DPYD: variants seen among roughly 807,000 people sequenced by gnomAD.
DPYD encodes the protein dihydropyrimidine dehydrogenase [NADP(+)].
DPYD carries 109 observed loss-of-function variants against 116.2 expected under a neutral mutation model. The observed-to-expected ratio is 0.94, with a 90% CI of 0.80 to 1.10. The LOEUF is 1.10. DPYD is among the 50% of genes least tolerant of loss of function. The pLI, the probability that DPYD is intolerant of heterozygous loss-of-function variation, is 0.00. For synonymous variants in DPYD, 440 were observed against 432.0 expected, an observed-to-expected ratio of 1.02 and a Z score of -0.23; for missense variants, 1,302 against 1,254.5, an observed-to-expected ratio of 1.04 and a Z score of -0.57.
intron 2 of DPYD, among the ~76,000 whole-genome samples, chr1:97,873,788 G>A (rs1671774356): frequency 6.6e-6 from 1 of 151,932 alleles, no homozygotes; most frequent in South Asian, 2.1e-4. Flanking sequence ...CACACACTAA[G>A]ATTTCAGTAA....
chr1:97,302,016 T>C lies in DPYD; in HGVS notation c.2299+3243A>G, dbSNP rs1014439279. Among the ~76,000 whole-genome samples the C allele has an allele frequency of 3.3e-5, 5 of 152,066 alleles. No homozygotes were observed. The East Asian group carries it at 9.7e-4, about 29-fold the overall frequency. ...TGGAGTTTATAATTGTTACTGAGAT[T>C]AGGGTTTTTTTCCAATCAAATAAGT... On this transcript the variant is annotated intron_variant, in intron 18 of 22. Transcript: ENST00000370192.
At chr1:97,351,467 G>T (rs1670139584) in intron 16 of DPYD, among the ~76,000 whole-genome samples, 1 of 151,560 alleles carries the variant, frequency 6.6e-6, no homozygotes, top group African/African-American at 2.4e-5. Flanking sequence ...AAAGTGGCAA[G>T]AAAAGAAAAA....
At chr1:97,114,750 T>G (rs1319424675) in intron 20 of DPYD, among the ~76,000 whole-genome samples, 1 of 152,044 alleles carries the variant, frequency 6.6e-6, no homozygotes, top group Non-Finnish European at 1.5e-5. Flanking sequence ...CCCTGAATGA[T>G]GAAAAAAAAC....
At chr1:97,643,198 TA>T (rs1363620509) in intron 8 of DPYD, among the ~76,000 whole-genome samples, 3 of 152,098 alleles carry the variant, frequency 2.0e-5, no homozygotes, top group Non-Finnish European at 4.4e-5. Flanking sequence ...GACAAAGGGC[TA>T]ATATCCAGAA....
chr1:97,175,366 A>G (rs1337997669), intron 20 of DPYD, among the ~76,000 whole-genome samples: 1 of 152,158 alleles, frequency 6.6e-6, no homozygotes, highest in African/African-American at 2.4e-5. Context: ...ACTATTCCCA[A>G]TCAAAGGACA....
At chr1:97,359,077 T>A (rs1431917630) in intron 16 of DPYD, among the ~76,000 whole-genome samples, 1 of 151,926 alleles carries the variant, frequency 6.6e-6, no homozygotes, top group Non-Finnish European at 1.5e-5. Context: ...AAAGATGAGA[T>A]GAATGGCCAC....
intron 8 of DPYD, among the ~76,000 whole-genome samples, chr1:97,599,473 T>C (rs1040222719): frequency 5.9e-5 from 9 of 152,132 alleles, no homozygotes; most frequent in Non-Finnish European, 1.2e-4. Flanking sequence ...TGGTAGGGCA[T>C]GTTTAAGAAT....
At chr1:97,749,048 C>T (rs1320682111) in intron 3 of DPYD, among the ~76,000 whole-genome samples, 1 of 152,154 alleles carries the variant, frequency 6.6e-6, no homozygotes, top group African/African-American at 2.4e-5. Flanking sequence ...ACAAAAGACG[C>T]TTTCCTTTAT....
At chr1:97,916,490 C>T (rs995536396) in intron 1 of DPYD, among the ~76,000 whole-genome samples, 2 of 152,022 alleles carry the variant, frequency 1.3e-5, no homozygotes, top group Non-Finnish European at 2.9e-5. Flanking sequence ...TCATCCATGT[C>T]CCTACAAAGG....
At chr1:97,334,143 A>G (rs1669168513) in intron 16 of DPYD, among the ~76,000 whole-genome samples, 1 of 152,192 alleles carries the variant, frequency 6.6e-6, no homozygotes, top group Admixed American at 6.5e-5. Context: ...GTCTTGGGAC[A>G]TATCCCTCAT....
intron 20 of DPYD, among the ~76,000 whole-genome samples, chr1:97,100,625 A>G (rs1049919505): frequency 2.6e-5 from 4 of 152,054 alleles, no homozygotes; most frequent in Non-Finnish European, 4.4e-5. Context: ...GAGTTTTGTA[A>G]AGGCCATTCA....
chr1:97,341,110 C>T (rs1669566864), intron 16 of DPYD, among the ~76,000 whole-genome samples: 2 of 152,070 alleles, frequency 1.3e-5, no homozygotes, highest in Admixed American at 1.3e-4. Context: ...CTGGTCTTCC[C>T]CCATGTCAGG....
intron 1 of DPYD, among the ~76,000 whole-genome samples, chr1:97,909,598 A>G (rs1245953967): frequency 3.1e-5 from 3 of 97,378 alleles, no homozygotes; most frequent in Non-Finnish European, 6.3e-5. Context: ...TACTAAGTTA[A>G]AAGAAATCTT....
At chr1:97,710,428 C>T (rs538729288) in intron 5 of DPYD, among the ~76,000 whole-genome samples, 26 of 151,844 alleles carry the variant, frequency 1.7e-4, no homozygotes, top group Non-Finnish European at 3.5e-4. Context: ...AAATAGTTTT[C>T]TTCATAACAA....
chr1:97,788,889 C>T (rs749843561), intron 3 of DPYD, among the ~76,000 whole-genome samples: 4 of 152,092 alleles, frequency 2.6e-5, no homozygotes, highest in South Asian at 2.1e-4. Context: ...CTGCAACCTC[C>T]GCCTCCCAGG....
chr1:97,437,314 T>A (rs997969694), intron 14 of DPYD, among the ~76,000 whole-genome samples: 2 of 151,610 alleles, frequency 1.3e-5, no homozygotes, highest in East Asian at 3.9e-4. Flanking sequence ...TTTTTTTGAA[T>A]CTGGATTCCT....
At chr1:97,712,949 T>C (rs1298735441) in intron 5 of DPYD, among the ~76,000 whole-genome samples, 2 of 152,114 alleles carry the variant, frequency 1.3e-5, no homozygotes, top group African/African-American at 2.4e-5. Flanking sequence ...AAGTTTATCT[T>C]AGACCACTCC....
rs1648979791 is a variant in DPYD at position 97,079,117 on chromosome 1, C to A, written c.2937G>T (p.Leu979=). 5 of 1,613,536 alleles carry A rather than the reference C, an allele frequency of 3.1e-6. No individual in the cohort carries two copies. Among genetic ancestry groups the A allele is most frequent in the Non-Finnish European group, 4.2e-6 (5 of 1,179,660 alleles). ...CTGTACAAGTGTCGGTTATGGTGGGCAGGTGGGTTTCTGGATCAAACTGTA... is the reference window on the plus strand; with the variant it reads ...CTGTACAAGTGTCGGTTATGGTGGGAAGGTGGGTTTCTGGATCAAACTGTA... The part of the protein sequence containing the change: ...QAIQFDPETH[L]PTITDTCTGC... The change falls in exon 23 of 23, where the codon CTG becomes CTT. Residue 979 remains leucine, a synonymous_variant. Transcript: ENST00000370192.
chr1:97,289,798 C>T (rs1048762353), intron 18 of DPYD, among the ~76,000 whole-genome samples: 1 of 151,428 alleles, frequency 6.6e-6, no homozygotes, highest in Admixed American at 6.6e-5. Context: ...TGCCCTCTCT[C>T]GCCACTCCTA....
Sources: gnomAD v4.1 joint callset for allele counts (sites outside exome capture counted in the v4.1 genomes callset) on GRCh38, gnomAD v4.1.1 for gene constraint, MANE v1.5 for transcripts, NCBI Gene and HGNC (gene_info 2026-07-23, HGNC 2026-07-21) for gene names.